The following PCDHA12 variants were observed in gnomAD, a reference collection of about 807,000 sequenced individuals.
PCDHA12 encodes the protein protocadherin alpha 12, also known as protocadherin alpha-12.
PCDHA12 carries 44 observed loss-of-function variants against 60.0 expected under a neutral mutation model. The ratio of observed to expected loss-of-function variants is 0.73; its 90% CI spans 0.58 to 0.94. The LOEUF is 0.94. Ranked by LOEUF, PCDHA12 falls within the 40% of genes least tolerant of loss-of-function variation. The pLI, the probability that PCDHA12 is intolerant of heterozygous loss-of-function variation, is 0.00. For missense variants in PCDHA12, 1,276 were observed against 1,239.7 expected (o/e 1.03, Z -0.44); for synonymous variants, 569 against 553.0 (o/e 1.03, Z -0.40).
intron 1 of PCDHA12, chr5:140,927,135 G>T: frequency 6.2e-7 from 1 of 1,614,062 alleles, no homozygotes; most frequent in Non-Finnish European, 8.5e-7. Flanking sequence ...GAGAGCCGGC[G>T]GACCGCGAAC....
chr5:140,974,605 G>T (rs2096633635), intron 1 of PCDHA12, among the ~76,000 whole-genome samples: 1 of 152,088 alleles, frequency 6.6e-6, no homozygotes, highest in Non-Finnish European at 1.5e-5. Context: ...TCTGCCTCCA[G>T]GGTTCAAGCG....
intron 1 of PCDHA12, chr5:140,882,431 G>A (rs374040153): frequency 1.2e-6 from 2 of 1,614,044 alleles, no homozygotes; most frequent in Non-Finnish European, 8.5e-7. Flanking sequence ...CCTGGGGCTG[G>A]AGCTGGCGGA....
intron 1 of PCDHA12, among the ~76,000 whole-genome samples, chr5:140,941,191 T>TTTTTTTCTTTCTTTCTTTC (rs1554213809): frequency 2.1e-5 from 2 of 93,258 alleles, no homozygotes; most frequent in Admixed American, 1.2e-4. Context: ...GCTTCTTTTT[T>TTTTTTTCTTTCTTTCTTTC]TTTCTTTCTT....
rs117857377 is a variant in PCDHA12, at chr5:140,947,298, A to G, written c.2368-31651A>G. ...TTTTTCTTTTTATTGCATTATCTTG[A>G]CATCTTTGTAAAAAGTCGGTTGACC... On this transcript the variant is annotated intron_variant, in intron 1 of 3. Transcript: ENST00000398631. Among the ~76,000 whole-genome samples, 349 of 151,704 alleles carry G rather than the reference A, an allele frequency of 2.3e-3. 8 individuals carry two copies. In the East Asian group the frequency reaches 0.06, roughly 26 times the overall value.
At chr5:140,963,032 T>G (rs541613535) in intron 1 of PCDHA12, among the ~76,000 whole-genome samples, 2 of 152,172 alleles carry the variant, frequency 1.3e-5, no homozygotes, top group African/African-American at 2.4e-5. Flanking sequence ...CAATTAACAT[T>G]TATTGAGAGT....
intron 1 of PCDHA12, among the ~76,000 whole-genome samples, chr5:140,904,628 A>G (rs2071277621): frequency 6.6e-6 from 1 of 152,002 alleles, no homozygotes; most frequent in African/African-American, 2.4e-5. Context: ...TTAGTTCTTT[A>G]AGGAATCTCC....
intron 1 of PCDHA12, among the ~76,000 whole-genome samples, chr5:140,958,077 A>C (rs2095408004): frequency 1.3e-5 from 2 of 152,124 alleles, no homozygotes; most frequent in African/African-American, 4.8e-5. Context: ...AGAAGCAAAA[A>C]GTAAAGTTGT....
intron 1 of PCDHA12, among the ~76,000 whole-genome samples, chr5:140,975,653 A>T (rs2096676885): frequency 6.6e-6 from 1 of 152,230 alleles, no homozygotes; most frequent in South Asian, 2.1e-4. Context: ...TATTTCATTG[A>T]GTAGTTGTGT....
chr5:140,926,825 G>T (rs937740656), intron 1 of PCDHA12: 2 of 1,499,696 alleles, frequency 1.3e-6, no homozygotes, highest in Admixed American at 4.7e-5. Flanking sequence ...CTCTCCAGGA[G>T]TCCGGAGCAT....
intron 1 of PCDHA12, among the ~76,000 whole-genome samples, chr5:140,922,233 A>T (rs1226444776): frequency 6.6e-6 from 1 of 152,220 alleles, no homozygotes; most frequent in Non-Finnish European, 1.5e-5. Flanking sequence ...CTCAACCATG[A>T]TGTGTATGAA....
chr5:141,005,256 A>C (rs1307850409), intron 3 of PCDHA12, among the ~76,000 whole-genome samples: 1 of 152,212 alleles, frequency 6.6e-6, no homozygotes, highest in East Asian at 1.9e-4. Flanking sequence ...TGTGCTAGGC[A>C]CTGGTGATAC....
At chr5:140,927,619 C>T (rs2084429859) in intron 1 of PCDHA12, 3 of 1,614,170 alleles carry the variant, frequency 1.9e-6, no homozygotes, top group Non-Finnish European at 2.5e-6. Flanking sequence ...CACCAAGGTT[C>T]CAGAGACTGC....
At chr5:140,993,123 C>G (rs925185301) in intron 3 of PCDHA12, among the ~76,000 whole-genome samples, 1 of 152,180 alleles carries the variant, frequency 6.6e-6, no homozygotes, top group African/African-American at 2.4e-5. Context: ...ACATCAATTT[C>G]CTTCTGTTGC....
intron 1 of PCDHA12, 50 bp downstream of exon 1, chr5:140,877,889 GT>G: frequency 6.9e-7 from 1 of 1,458,120 alleles, no homozygotes; most frequent in Non-Finnish European, 9.0e-7. Context: ...AAGAACTTCC[GT>G]TTAGGTTATA....
chr5:140,966,050 C>T (rs1554228018), intron 1 of PCDHA12, among the ~76,000 whole-genome samples: 3 of 152,206 alleles, frequency 2.0e-5, no homozygotes, highest in African/African-American at 7.2e-5. Context: ...TCGCCAGTAA[C>T]CCCAGAGCGC....
At chr5:141,007,712 A>G (rs2098342161) in intron 3 of PCDHA12, among the ~76,000 whole-genome samples, 1 of 152,170 alleles carries the variant, frequency 6.6e-6, no homozygotes, top group Non-Finnish European at 1.5e-5. Context: ...GCCTCCCACC[A>G]CCAGGGAGAA....
At chr5:140,948,013 A>G (rs1214834981) in intron 1 of PCDHA12, among the ~76,000 whole-genome samples, 7 of 89,982 alleles carry the variant, frequency 7.8e-5, no homozygotes, top group Admixed American at 5.3e-4. Context: ...TTTAGGAAGT[A>G]CCCTTTCTGG....
At chr5:140,922,386 T>G (rs1554200798) in intron 1 of PCDHA12, among the ~76,000 whole-genome samples, 1 of 152,194 alleles carries the variant, frequency 6.6e-6, no homozygotes, top group African/African-American at 2.4e-5. Context: ...AACCAAAGAC[T>G]CCTTGTTTTG....
rs1554170075 is a variant in PCDHA12, at chr5:140,877,747, T to C, written c.2275T>C (p.Cys759Arg). ...SYSQQRRQRV[C>R]SAESPPKTDL... is the part of the protein sequence containing the mutation. ...CTCGCAGCAGAGGAGGCAGAGGGTG[T>C]GCTCTGCAGAGAGCCCGCCCAAGAC... The change falls in exon 1 of 4, where the codon TGC becomes CGC. Residue 759 changes from cysteine (C) to arginine (R), a missense_variant. Transcript: ENST00000398631. 2 of 1,614,172 alleles carry C rather than the reference T, an allele frequency of 1.2e-6. No individual in the cohort carries two copies. The highest frequency in any genetic ancestry group is 8.5e-7 in the Non-Finnish European group (1 of 1,180,026).
Sources: allele counts gnomAD v4.1 joint callset (sites outside exome capture counted in the v4.1 genomes callset), GRCh38; gene constraint gnomAD v4.1.1; transcripts MANE v1.5; gene names NCBI Gene and HGNC (gene_info 2026-07-23, HGNC 2026-07-21).